The following AKAP19 variants were observed in gnomAD, a reference collection of about 807,000 sequenced individuals.
The protein encoded by AKAP19 is A-kinase anchoring protein 19.
At chr2:190,194,054 A>G in the AKAP19 span, among the ~76,000 whole-genome samples, 1 of 152,112 alleles carries the variant, frequency 6.6e-6, no homozygotes, top group African/African-American at 2.4e-5. Flanking sequence ...TTATTTAGAA[A>G]TATGTTTAGT....
chr2:190,168,133 C>T, the AKAP19 span, among the ~76,000 whole-genome samples: 12 of 152,336 alleles, frequency 7.9e-5, no homozygotes, highest in Middle Eastern at 6.8e-3. Flanking sequence ...TCTCAAACCT[C>T]AATTCTTAAC....
At chr2:190,095,650 T>A in the AKAP19 span, 59,854 of 152,072 alleles carry the variant, frequency 0.39, 13,824 homozygotes, top group South Asian at 0.68. Flanking sequence ...TCTATAGTAC[T>A]TCGTTATAGC....
chr2:190,119,433 T>G, the AKAP19 span, among the ~76,000 whole-genome samples: 1 of 152,100 alleles, frequency 6.6e-6, no homozygotes, highest in African/African-American at 2.4e-5. Flanking sequence ...AAACTGGCCC[T>G]CCCACCTTAG....
At chr2:190,008,771 CCCA>C in the AKAP19 span, among the ~76,000 whole-genome samples, 1 of 32,214 alleles carries the variant, frequency 3.1e-5, no homozygotes, top group Non-Finnish European at 1.2e-4. Context: ...CACACACACA[CCCA>C]CCTGGTCTCC....
At chr2:190,128,509 G>A in the AKAP19 span, among the ~76,000 whole-genome samples, 5 of 152,206 alleles carry the variant, frequency 3.3e-5, no homozygotes, top group South Asian at 2.1e-4. Context: ...CAATGGTACC[G>A]GAGTCTAGTG....
chr2:189,958,533 A>ATATG, the AKAP19 span, among the ~76,000 whole-genome samples: 1 of 148,740 alleles, frequency 6.7e-6, no homozygotes, highest in African/African-American at 2.4e-5. Flanking sequence ...ATATATATAT[A>ATATG]TATATATATA....
At chr2:190,177,866 A>G in the AKAP19 span, among the ~76,000 whole-genome samples, 1 of 152,194 alleles carries the variant, frequency 6.6e-6, no homozygotes, top group Admixed American at 6.5e-5. This position sits in a 1 kb window ranked among gnomAD's most constrained non-coding sequence, Gnocchi z 4.6. Context: ...CCCTAGGGTG[A>G]GATTGCTTAT....
the AKAP19 span, among the ~76,000 whole-genome samples, chr2:189,908,067 C>G: frequency 6.6e-6 from 1 of 151,600 alleles, no homozygotes; most frequent in Non-Finnish European, 1.5e-5. Flanking sequence ...CTGCTCTAAT[C>G]TTTATCATTT....
chr2:189,883,447 G>A, the AKAP19 span, among the ~76,000 whole-genome samples: 11 of 151,006 alleles, frequency 7.3e-5, no homozygotes, highest in Non-Finnish European at 1.5e-4. Flanking sequence ...AAATCAAGAT[G>A]CTGAACTTGA....
At chr2:190,058,022 C>G in the AKAP19 span, among the ~76,000 whole-genome samples, 25 of 152,048 alleles carry the variant, frequency 1.6e-4, no homozygotes, top group Non-Finnish European at 2.9e-4. Context: ...TAACAGCTCC[C>G]TCTCTTCTTG....
chr2:189,961,780 A>G, the AKAP19 span, among the ~76,000 whole-genome samples: 1 of 151,814 alleles, frequency 6.6e-6, no homozygotes, highest in Non-Finnish European at 1.5e-5. Flanking sequence ...GGCATGGTGG[A>G]GCACACCTGT....
chr2:190,089,837 T>G, the AKAP19 span, among the ~76,000 whole-genome samples: 1 of 152,132 alleles, frequency 6.6e-6, no homozygotes, highest in Non-Finnish European at 1.5e-5. Context: ...GGACTATGAT[T>G]CAATTTAGGA....
chr2:190,097,859 C>CAGAAAAAAAAAAAAAAAAAAA, the AKAP19 span, among the ~76,000 whole-genome samples: 1 of 64,526 alleles, frequency 1.5e-5, no homozygotes, highest in African/African-American at 6.4e-5. Context: ...TGGTTTCTAC[C>CAGAAAAAAAAAAAAAAAAAAA]AAAAAAAAAA....
the AKAP19 span, among the ~76,000 whole-genome samples, chr2:189,943,704 C>A: frequency 6.6e-6 from 1 of 152,228 alleles, no homozygotes; most frequent in Admixed American, 6.5e-5. Context: ...GGGGGCTGAA[C>A]CCTGCAAAGC....
the AKAP19 span, among the ~76,000 whole-genome samples, chr2:190,146,284 A>G: frequency 2.0e-5 from 3 of 152,148 alleles, no homozygotes; most frequent in East Asian, 1.9e-4. Flanking sequence ...ATAGTCTCCA[A>G]TCTTATCCAG....
chr2:189,942,022 G>T, the AKAP19 span, among the ~76,000 whole-genome samples: 1 of 152,160 alleles, frequency 6.6e-6, no homozygotes, highest in South Asian at 2.1e-4. Context: ...GCTAAATTTA[G>T]ATAAAATAGA....
At chr2:190,121,046 A>T in the AKAP19 span, among the ~76,000 whole-genome samples, 19 of 151,968 alleles carry the variant, frequency 1.3e-4, no homozygotes, top group Non-Finnish European at 2.5e-4. Flanking sequence ...TTTTATAATT[A>T]AAATTTGATA....
the AKAP19 span, among the ~76,000 whole-genome samples, chr2:189,944,634 G>T: frequency 6.6e-6 from 1 of 152,028 alleles, no homozygotes; most frequent in African/African-American, 2.4e-5. Context: ...AAGATAAATT[G>T]CAATACAACA....
At chr2:190,193,744 TA>T in the AKAP19 span, among the ~76,000 whole-genome samples, 6 of 152,194 alleles carry the variant, frequency 3.9e-5, no homozygotes, top group Non-Finnish European at 1.5e-5. Flanking sequence ...ATGTATCTAT[TA>T]GATCTTTTTA....
Sources: gnomAD v4.1 joint callset for allele counts (sites outside exome capture counted in the v4.1 genomes callset) on GRCh38, gnomAD v4.1.1 for gene constraint, Gnocchi (gnomAD v3.1) non-coding constraint, MANE v1.5 for transcripts, NCBI Gene and HGNC (gene_info 2026-07-23, HGNC 2026-07-21) for gene names.